The following NKAIN3 variants were observed in gnomAD, a reference collection of about 807,000 sequenced individuals.
NKAIN3 encodes the protein sodium/potassium transporting ATPase interacting 3.
A neutral mutation model predicts 30.2 loss-of-function variants in NKAIN3; 25 were observed. The ratio of observed to expected loss-of-function variants is 0.83; its 90% CI spans 0.60 to 1.16. The LOEUF (loss-of-function observed/expected upper bound fraction) is 1.16, where lower values mean the gene tolerates loss of function less well. Among genes scored for constraint, NKAIN3 ranks in the 50% most tolerant of loss-of-function variants. NKAIN3 has a pLI of 0.00. For synonymous variants in NKAIN3, 91 were observed against 89.6 expected (o/e 1.02, Z -0.09); for missense variants, 225 against 254.1 (o/e 0.89, Z 0.78).
intron 4 of NKAIN3, among the ~76,000 whole-genome samples, chr8:62,878,040 C>A (rs1335880676): frequency 2.4e-3 from 270 of 113,548 alleles, no homozygotes; most frequent in East Asian, 2.8e-3. Context: ...AACTCCATCT[C>A]AAAAAAAAAA....
intron 3 of NKAIN3, among the ~76,000 whole-genome samples, chr8:62,612,290 G>A (rs1170266574): frequency 1.3e-5 from 2 of 151,974 alleles, no homozygotes; most frequent in East Asian, 3.9e-4. Context: ...ATATCTGGGT[G>A]CTCTCACATT....
chr8:62,683,800 C>CA (rs1813717524), intron 3 of NKAIN3, among the ~76,000 whole-genome samples: 1 of 152,090 alleles, frequency 6.6e-6, no homozygotes, highest in Non-Finnish European at 1.5e-5. Context: ...CATGTATTGC[C>CA]CACATATTGG....
At chr8:62,416,800 G>T (rs1804458114) in intron 1 of NKAIN3, among the ~76,000 whole-genome samples, 1 of 151,874 alleles carries the variant, frequency 6.6e-6, no homozygotes, top group South Asian at 2.1e-4. Flanking sequence ...TTTGAGACTA[G>T]CCTGGCCAAC....
At chr8:62,423,700 T>C (rs1398914052) in intron 1 of NKAIN3, among the ~76,000 whole-genome samples, 1 of 151,912 alleles carries the variant, frequency 6.6e-6, no homozygotes, top group Non-Finnish European at 1.5e-5. Context: ...TTTTCTCAAT[T>C]CTCCTGAATC....
chr8:62,451,237 C>T (rs552119306), intron 1 of NKAIN3, among the ~76,000 whole-genome samples: 1 of 151,410 alleles, frequency 6.6e-6, no homozygotes, highest in Non-Finnish European at 1.5e-5. Flanking sequence ...TTTCTCTTCT[C>T]TTCTCTCTCT....
At chr8:62,529,556 C>G (rs770093901) in intron 1 of NKAIN3, among the ~76,000 whole-genome samples, 1 of 151,998 alleles carries the variant, frequency 6.6e-6, no homozygotes, top group South Asian at 2.1e-4. Context: ...TGCCCCTTCC[C>G]CCTTCCACCA....
intron 1 of NKAIN3, among the ~76,000 whole-genome samples, chr8:62,284,131 G>A (rs2129397561): frequency 6.6e-6 from 1 of 152,208 alleles, no homozygotes; most frequent in South Asian, 2.1e-4. Flanking sequence ...AGTCCCAGAA[G>A]GGGTATCAGA....
At chr8:62,428,981 A>T in intron 1 of NKAIN3, among the ~76,000 whole-genome samples, 1 of 151,952 alleles carries the variant, frequency 6.6e-6, no homozygotes, top group East Asian at 1.9e-4. Context: ...TTGAGTCTTT[A>T]ATCCATGTTG....
chr8:62,990,742 A>G (rs1824304278), intron 5 of NKAIN3: 1 of 152,230 alleles, frequency 6.6e-6, no homozygotes, highest in Non-Finnish European at 1.5e-5. Flanking sequence ...CCAAACAGAC[A>G]CAATCGATCC....
chr8:62,932,208 A>C (rs1262672799), intron 5 of NKAIN3, among the ~76,000 whole-genome samples: 1 of 152,250 alleles, frequency 6.6e-6, no homozygotes, highest in Non-Finnish European at 1.5e-5. Context: ...TTTTTCACTT[A>C]TTAATTGATT....
At chr8:62,740,872 G>GTAGA (rs1427577242) in intron 3 of NKAIN3, among the ~76,000 whole-genome samples, 1 of 151,944 alleles carries the variant, frequency 6.6e-6, no homozygotes, top group African/African-American at 2.4e-5. Context: ...TAGGGAAAAG[G>GTAGA]TAGATACCAT....
At position 62,949,950 on chromosome 8, in the gene NKAIN3, C is replaced by A. The variant is rs116349181; in HGVS notation, c.533-3952C>A. Among the ~76,000 whole-genome samples, 491 of 152,142 alleles carry A rather than the reference C, an allele frequency of 3.2e-3. 3 individuals carry two copies. The highest frequency in any genetic ancestry group is 0.011 in the African/African-American group (475 of 41,486). ...AATACTTTTGAAAACCTGTCCATAC[C>A]TTTTCTATTTCTTTTCGTGTTTCAT... is the stretch of plus-strand genomic sequence containing the variant. On this transcript the variant is annotated intron_variant, in intron 5 of 6. Transcript: ENST00000623646.
chr8:62,488,100 A>G (rs1301544965), intron 1 of NKAIN3, among the ~76,000 whole-genome samples: 1 of 152,202 alleles, frequency 6.6e-6, no homozygotes, highest in Admixed American at 6.5e-5. Flanking sequence ...GAAGTTTTAT[A>G]AAGTTGGAGA....
intron 1 of NKAIN3, among the ~76,000 whole-genome samples, chr8:62,419,054 T>C (rs1804548426): frequency 6.6e-6 from 1 of 152,122 alleles, no homozygotes; most frequent in South Asian, 2.1e-4. Flanking sequence ...AAGGAGCCAG[T>C]CTTACTTCTA....
intron 1 of NKAIN3, among the ~76,000 whole-genome samples, chr8:62,290,847 A>C (rs3960009): frequency 6.6e-6 from 1 of 152,168 alleles, no homozygotes; most frequent in African/African-American, 2.4e-5. Context: ...GGTAGAATTC[A>C]GCTGTGAATC....
At chr8:62,667,361 G>GTA (rs61113266) in intron 3 of NKAIN3, among the ~76,000 whole-genome samples, 122 of 137,044 alleles carry the variant, frequency 8.9e-4, no homozygotes, top group African/African-American at 3.1e-3. Context: ...ATATATATCT[G>GTA]TATATATATA....
intron 1 of NKAIN3, among the ~76,000 whole-genome samples, chr8:62,402,803 A>C (rs1175116446): frequency 6.6e-6 from 1 of 152,188 alleles, no homozygotes; most frequent in Non-Finnish European, 1.5e-5. Context: ...TGGTACCGCA[A>C]AAAGTGGGGT....
chr8:62,605,926 A>G (rs892192400), intron 3 of NKAIN3, among the ~76,000 whole-genome samples: 2 of 152,092 alleles, frequency 1.3e-5, no homozygotes, highest in African/African-American at 2.4e-5. Flanking sequence ...AAGGAAAACA[A>G]ACTTTGGTAT....
chr8:62,367,953 T>A (rs955743111), intron 1 of NKAIN3, among the ~76,000 whole-genome samples: 16 of 151,904 alleles, frequency 1.1e-4, no homozygotes, highest in Non-Finnish European at 1.5e-5. Context: ...AAAAAGAAAG[T>A]AAGAAAACAA....
Sources: allele counts gnomAD v4.1 joint callset (sites outside exome capture counted in the v4.1 genomes callset), GRCh38; gene constraint gnomAD v4.1.1; transcripts MANE v1.5; gene names NCBI Gene and HGNC (gene_info 2026-07-23, HGNC 2026-07-21).